Variants in SLAIN1 observed in about 807,000 individuals in gnomAD.
The protein encoded by SLAIN1 is SLAIN motif-containing protein 1.
Under a neutral mutation model 55.4 loss-of-function variants are expected in SLAIN1, and 17 were observed. The ratio of observed to expected loss-of-function variants is 0.31; its 90% confidence interval spans 0.21 to 0.46. The LOEUF is 0.46. Among genes scored for constraint, SLAIN1 ranks in the 20% least tolerant of loss-of-function variants. The probability of loss-of-function intolerance (pLI) is 1.00; values close to 1 mark genes in which losing one functional copy is unlikely to be tolerated. For missense variants in SLAIN1, 682 were observed against 785.1 expected (o/e 0.87, Z 1.57); for synonymous variants, 348 against 337.4 (o/e 1.03, Z -0.35).
Position 77,753,598 on chromosome 13 carries a change from A to G in SLAIN1, c.1414+240A>G, listed in dbSNP as rs943212610. ...GTGCCTGTGGTATAAATTACTTACC[A>G]GTGCCTGTGGTATCAATTAATAATA... On this transcript the variant is annotated intron_variant, in intron 5 of 6. Transcript: ENST00000418532. Among the ~76,000 whole-genome samples the G allele has an allele frequency of 4.6e-5, 7 of 152,238 alleles. No homozygotes were observed. The East Asian group carries it at 1.4e-3, about 29-fold the overall frequency.
At chr13:77,725,944 A>G (rs1244914854) in intron 2 of SLAIN1, among the ~76,000 whole-genome samples, 3 of 152,206 alleles carry the variant, frequency 2.0e-5, no homozygotes, top group African/African-American at 7.2e-5. Flanking sequence ...GCTTATTTGT[A>G]CTGTAACTTC....
At chr13:77,716,119 T>G (rs1310422256) in intron 1 of SLAIN1, among the ~76,000 whole-genome samples, 1 of 151,574 alleles carries the variant, frequency 6.6e-6, no homozygotes, top group Non-Finnish European at 1.5e-5. Flanking sequence ...TGGATCAAAG[T>G]TTTGTTTTTT....
In SLAIN1 at chr13:77,742,028, A is replaced by G. The variant is rs183117808; in HGVS notation, c.767-2255A>G. ...AATTTTGCTTAGCGCATTGATTTGT[A>G]TCTCATGAGAGGAGAGTAAATCATG... On this transcript the variant is annotated intron_variant, in intron 2 of 6. Transcript: ENST00000418532. Among the ~76,000 whole-genome samples, 194 of 152,148 alleles carry G rather than the reference A, an allele frequency of 1.3e-3. 2 individuals carry two copies. The highest frequency in any genetic ancestry group is 4.2e-3 in the African/African-American group (173 of 41,532).
Position 77,744,346 on chromosome 13 carries a change from C to T in SLAIN1, c.830C>T (p.Ser277Leu). The change falls in exon 3 of 7, where the codon TCA becomes TTA. Residue 277 changes from serine (S) to leucine (L), a missense_variant. Around this residue, in one of 3 missense-constraint regions of SLAIN1, gnomAD observed 401 missense variants for 417.3 expected, o/e 0.96. Coordinates refer to ENST00000418532, the MANE Select transcript of SLAIN1 (RefSeq NM_001242868.2). ...TCTATCGACAGTGAGCTGAGTACTT[C>T]AGAATTGGAGGATGATTCTATCTCC... ...QSSIDSELSTSELEDDSISMG... is the reference protein window; with the variant it reads ...QSSIDSELSTLELEDDSISMG... 1 of 1,612,868 alleles carries T rather than the reference C, an allele frequency of 6.2e-7. No homozygotes were observed. Among genetic ancestry groups the T allele is most frequent in the Non-Finnish European group, 8.5e-7 (1 of 1,179,278 alleles).
intron 1 of SLAIN1, among the ~76,000 whole-genome samples, chr13:77,711,802 T>C (rs1360671873): frequency 6.6e-6 from 1 of 152,164 alleles, no homozygotes; most frequent in Non-Finnish European, 1.5e-5. Flanking sequence ...ATATCCCTGA[T>C]GAACATCGAT....
intron 1 of SLAIN1, among the ~76,000 whole-genome samples, chr13:77,703,419 CA>C (rs1305895057): frequency 4.6e-5 from 7 of 152,064 alleles, no homozygotes; most frequent in Non-Finnish European, 1.0e-4. Flanking sequence ...AATTGATTTT[CA>C]GTGAAAAGAC....
In SLAIN1 at chr13:77,698,586, T is replaced by A; in HGVS notation, c.626+47T>A. On this transcript the variant is annotated intron_variant, in intron 1 of 6. Transcript: ENST00000418532. The surrounding 1 kb of genome is among the most constrained non-coding windows in gnomAD (Gnocchi z 4.1). The stretch of plus-strand genomic sequence containing the variant: ...TCCCCGAGACCCTGGCCTCGGGGGC[T>A]TCGGGCACCGGGGAGCGGGGGCGGG... The A allele has an allele frequency of 7.4e-7, 1 of 1,352,940 alleles. No individual in the cohort carries two copies. The highest frequency in any genetic ancestry group is 9.5e-7 in the Non-Finnish European group (1 of 1,056,940). 83.8% of individuals were successfully genotyped at this position (1,352,940 alleles called of 1,614,324 possible).
chr13:77,738,512 C>G (rs1046872978), intron 2 of SLAIN1, among the ~76,000 whole-genome samples: 1 of 152,006 alleles, frequency 6.6e-6, no homozygotes, highest in African/African-American at 2.4e-5. Flanking sequence ...GGTATTAAGC[C>G]TAGCTATTAA....
chr13:77,700,656 T>C (rs1442997150), intron 1 of SLAIN1, among the ~76,000 whole-genome samples: 2 of 152,192 alleles, frequency 1.3e-5, no homozygotes, highest in Non-Finnish European at 2.9e-5. Context: ...AAGCACTCTG[T>C]TCCTTTATCA....
At chr13:77,707,963 C>T (rs1360628219) in intron 1 of SLAIN1, among the ~76,000 whole-genome samples, 1 of 152,068 alleles carries the variant, frequency 6.6e-6, no homozygotes, top group Non-Finnish European at 1.5e-5. Context: ...TCCAGTTGTC[C>T]CTTAGGTAGA....
At chr13:77,762,048 T>A (rs1875072787) in intron 6 of SLAIN1, among the ~76,000 whole-genome samples, 1 of 152,210 alleles carries the variant, frequency 6.6e-6, no homozygotes, top group Non-Finnish European at 1.5e-5. Flanking sequence ...TGTTTAGAAG[T>A]AATAGATGCT....
At chr13:77,741,363 T>A (rs1204187295) in intron 2 of SLAIN1, 1 of 987,358 alleles carries the variant, frequency 1.0e-6, no homozygotes, top group African/African-American at 1.7e-5. Context: ...TGGAGTCAAG[T>A]TGACCTACAT....
At chr13:77,702,966 G>T (rs1340782343) in intron 1 of SLAIN1, among the ~76,000 whole-genome samples, 1 of 152,146 alleles carries the variant, frequency 6.6e-6, no homozygotes. Context: ...AACGGAGAAA[G>T]CAGGTGGAAA....
intron 4 of SLAIN1, among the ~76,000 whole-genome samples, chr13:77,752,937 C>A (rs1874339544): frequency 1.3e-5 from 2 of 152,200 alleles, no homozygotes. Context: ...AACACCCTCA[C>A]AGACACACCC....
chr13:77,705,565 C>T (rs980632147), intron 1 of SLAIN1, among the ~76,000 whole-genome samples: 5 of 151,610 alleles, frequency 3.3e-5, no homozygotes, highest in Admixed American at 2.6e-4. Flanking sequence ...GTAAATGTTA[C>T]TTGCATTCTA....
chr13:77,699,366 G>T (rs889349608), intron 1 of SLAIN1: 1 of 192,814 alleles, frequency 5.2e-6, no homozygotes, highest in Non-Finnish European at 1.1e-5. Flanking sequence ...TTTTAGCTTG[G>T]TTATCAGAAA....
intron 1 of SLAIN1, among the ~76,000 whole-genome samples, chr13:77,717,369 C>T (rs1219133415): frequency 6.6e-6 from 1 of 152,082 alleles, no homozygotes; most frequent in Non-Finnish European, 1.5e-5. Flanking sequence ...TTCTGTTTTT[C>T]GGAAGAGTTT....
intron 2 of SLAIN1, among the ~76,000 whole-genome samples, chr13:77,739,558 A>G (rs1307570075): frequency 3.3e-5 from 5 of 152,038 alleles, no homozygotes; most frequent in Admixed American, 6.6e-5. Context: ...CTTTTATGTG[A>G]ATTAAGTAAT....
intron 1 of SLAIN1, among the ~76,000 whole-genome samples, chr13:77,701,759 CTTAT>C (rs774213337): frequency 1.5e-3 from 227 of 150,898 alleles, no homozygotes; most frequent in Non-Finnish European, 2.7e-3. Flanking sequence ...TCTTTCTTTA[CTTAT>C]TTATTTATTT....
Sources: gnomAD v4.1 joint callset for allele counts (sites outside exome capture counted in the v4.1 genomes callset) on GRCh38, gnomAD v4.1.1 for gene constraint, gnomAD v4.1.1 regional missense constraint, Gnocchi (gnomAD v3.1) non-coding constraint, MANE v1.5 for transcripts, NCBI Gene and HGNC (gene_info 2026-07-23, HGNC 2026-07-21) for gene names.